NSD3: variants seen among roughly 807,000 people sequenced by gnomAD.
The protein encoded by NSD3 is histone-lysine N-methyltransferase NSD3.
Under a neutral mutation model 160.8 loss-of-function variants are expected in NSD3, and 24 were observed. That is an observed-to-expected ratio of 0.15 (90% CI 0.11 to 0.21). The LOEUF is 0.21. Ranked by LOEUF, NSD3 falls within the 10% of genes least tolerant of loss-of-function variation. The probability of loss-of-function intolerance (pLI) is 1.00; values close to 1 mark genes in which losing one functional copy is unlikely to be tolerated. For synonymous variants in NSD3, 520 were observed against 600.0 expected (o/e 0.87, Z 1.95); for missense variants, 1,157 against 1,735.9 (o/e 0.67, Z 5.93).
At position 38,317,849 on chromosome 8, in the gene NSD3, C is replaced by T; in HGVS notation, c.1855+1046G>A. On this transcript the variant is annotated intron_variant, in intron 9 of 23. Coordinates refer to ENST00000317025, the MANE Select transcript of NSD3 (RefSeq NM_023034.2). The surrounding 1 kb of genome is among the most constrained non-coding windows in gnomAD (Gnocchi z 5.3). ...GGAAAATGCCAATAATGATGATTGG[C>T]GAAATCAAAATCGAAAACAAAGAAA... 3 of 1,530,734 alleles carry T rather than the reference C, an allele frequency of 2.0e-6. No individual in the cohort carries two copies. The highest frequency in any genetic ancestry group is 2.6e-6 in the Non-Finnish European group (3 of 1,137,098). The allele number at this position is 1,530,734 out of a possible 1,614,324, so 94.8% of individuals were successfully genotyped here. A position where few individuals can be genotyped will look rare whatever the true frequency, so the allele number is the denominator to read the frequency against.
intron 1 of NSD3, among the ~76,000 whole-genome samples, chr8:38,377,133 A>G (rs1034262736): frequency 1.3e-5 from 2 of 151,918 alleles, no homozygotes; most frequent in African/African-American, 4.8e-5. Context: ...GCTCAGTGCA[A>G]CCTCCGCCTC....
rs1809667781 is a variant in NSD3, at chr8:38,316,510, T to C, written c.1856-468A>G. On this transcript the variant is annotated intron_variant, in intron 9 of 23. Transcript: ENST00000317025. This position sits in a 1 kb window ranked among gnomAD's most constrained non-coding sequence, Gnocchi z 4.5. ...TTGTATTCGATTCGTACACGGATAG[T>C]GCCATTTTCCCCCAAATTTTGCAAT... is the stretch of plus-strand genomic sequence containing the variant. 9.6e-7 allele frequency: 1 copy of C among 1,047,016 alleles called. No individual in the cohort carries two copies. Among genetic ancestry groups the C allele is most frequent in the South Asian group, 4.6e-5 (1 of 21,868 alleles). The allele number at this position is 1,047,016 out of a possible 1,614,324, so 64.9% of individuals were successfully genotyped here.
At position 38,273,709 on chromosome 8, in the gene NSD3, A is replaced by C. The variant is rs1808538203; in HGVS notation, c.*1932T>G. 1 of 152,210 alleles carries C rather than the reference A, an allele frequency of 6.6e-6. No homozygotes were observed. Among genetic ancestry groups the C allele is most frequent in the African/African-American group, 2.4e-5 (1 of 41,460 alleles). 9.4% of individuals were successfully genotyped at this position (152,210 alleles called of 1,614,324 possible). Reference sequence around the variant, plus strand: ...ATATAATTGCTCAAGAGCAAAGTTTAGTGTTTTGGTGAGCTGTATTTCATG... The same window carrying C: ...ATATAATTGCTCAAGAGCAAAGTTTCGTGTTTTGGTGAGCTGTATTTCATG... On this transcript the variant is annotated 3_prime_UTR_variant, in exon 24 of 24. Coordinates refer to ENST00000317025, the MANE Select transcript of NSD3 (RefSeq NM_023034.2).
chr8:38,307,370 A>T (rs1809434339), intron 12 of NSD3, among the ~76,000 whole-genome samples: 2 of 152,066 alleles, frequency 1.3e-5, no homozygotes, highest in South Asian at 4.1e-4. Flanking sequence ...GGCTGGCAGG[A>T]GTTTAAGTTG....
intron 18 of NSD3, among the ~76,000 whole-genome samples, chr8:38,289,085 C>T (rs768988694): frequency 2.0e-4 from 31 of 152,238 alleles, no homozygotes; most frequent in South Asian, 1.2e-3. Flanking sequence ...CATTTGGTGG[C>T]GGGATAACCT....
intron 13 of NSD3, 76 bp from the exon 14 acceptor site, chr8:38,304,833 T>C (rs1200834940): frequency 2.0e-6 from 3 of 1,464,172 alleles, no homozygotes; most frequent in Non-Finnish European, 2.7e-6. Flanking sequence ...GAGTTGGGCT[T>C]TTTTGGGTCC....
intron 13 of NSD3, among the ~76,000 whole-genome samples, chr8:38,305,024 G>A (rs1379570809): frequency 6.6e-6 from 1 of 152,130 alleles, no homozygotes; most frequent in East Asian, 1.9e-4. Flanking sequence ...CCTACCTGAA[G>A]GACTTTCAAG....
intron 4 of NSD3, among the ~76,000 whole-genome samples, chr8:38,332,461 A>G (rs2150376557): frequency 6.6e-6 from 1 of 152,312 alleles, no homozygotes; most frequent in East Asian, 1.9e-4. Context: ...CTAAATTTAA[A>G]TAACATTAGA....
chr8:38,324,852 A>C (rs954154787), intron 7 of NSD3, among the ~76,000 whole-genome samples: 1 of 151,896 alleles, frequency 6.6e-6, no homozygotes, highest in African/African-American at 2.4e-5. Context: ...AAAATCCCTG[A>C]GCTACAGGGT....
intron 2 of NSD3, among the ~76,000 whole-genome samples, chr8:38,343,590 C>G (rs1563362219): frequency 6.6e-6 from 1 of 152,052 alleles, no homozygotes; most frequent in African/African-American, 2.4e-5. Context: ...GTAATCCCAG[C>G]TACTGAGGAG....
intron 5 of NSD3, among the ~76,000 whole-genome samples, chr8:38,330,751 C>T (rs537216110): frequency 6.3e-4 from 96 of 152,132 alleles, no homozygotes; most frequent in Non-Finnish European, 7.8e-4. Flanking sequence ...TCATAAGAGA[C>T]CCACACTAAT....
In NSD3 at chr8:38,279,427, C is replaced by T. The variant is rs1341074000; in HGVS notation, c.3760+113G>A. Reference sequence around the variant, plus strand: ...GAATACGTTTTCTAAATATAACCTTCCTCTTATTTAAATAAGTTCTTGGGC... The same window carrying T: ...GAATACGTTTTCTAAATATAACCTTTCTCTTATTTAAATAAGTTCTTGGGC... On this transcript the variant is annotated intron_variant, in intron 21 of 23. Transcript: ENST00000317025. The T allele has an allele frequency of 3.2e-6, 4 of 1,253,862 alleles. No homozygotes were observed. In the Admixed American group the frequency reaches 6.8e-5, roughly 21 times the overall value. The allele number at this position is 1,253,862 out of a possible 1,614,324, so 77.7% of individuals were successfully genotyped here. A position where few individuals can be genotyped will look rare whatever the true frequency, so the allele number is the denominator to read the frequency against.
At chr8:38,289,361 T>G in intron 18 of NSD3, 32 bp downstream of exon 18, 1 of 1,557,620 alleles carries the variant, frequency 6.4e-7, no homozygotes, top group Non-Finnish European at 8.7e-7. Flanking sequence ...CTTATTTTAT[T>G]TGGCAATCCC....
At chr8:38,311,240 T>C (rs1400150611) in intron 12 of NSD3, among the ~76,000 whole-genome samples, 2 of 152,140 alleles carry the variant, frequency 1.3e-5, no homozygotes, top group Non-Finnish European at 2.9e-5. Flanking sequence ...ATATAGAGCA[T>C]ATTTTCATAT....
At chr8:38,304,978 T>G (rs1044973087) in intron 13 of NSD3, among the ~76,000 whole-genome samples, 2 of 152,124 alleles carry the variant, frequency 1.3e-5, no homozygotes, top group African/African-American at 4.8e-5. Flanking sequence ...AATTATTTGT[T>G]CCAATGCTGC....
At chr8:38,282,504 C>T (rs983311761) in intron 19 of NSD3, among the ~76,000 whole-genome samples, 5 of 152,158 alleles carry the variant, frequency 3.3e-5, no homozygotes, top group Non-Finnish European at 7.3e-5. Context: ...AACACTGTCT[C>T]TACTAAGAAT....
intron 12 of NSD3, among the ~76,000 whole-genome samples, chr8:38,310,831 G>A (rs1225686860): frequency 2.0e-5 from 3 of 151,624 alleles, no homozygotes; most frequent in African/African-American, 7.3e-5. Context: ...AGTTCTTTTG[G>A]GTATATACCC....
At chr8:38,339,524 A>G (rs1810307087) in intron 2 of NSD3, among the ~76,000 whole-genome samples, 1 of 152,152 alleles carries the variant, frequency 6.6e-6, no homozygotes, top group African/African-American at 2.4e-5. Context: ...CAAGAAATTG[A>G]GACCATCCTG....
chr8:38,357,118 CAAAA>C (rs966483645), intron 1 of NSD3, among the ~76,000 whole-genome samples: 2 of 21,314 alleles, frequency 9.4e-5, no homozygotes, highest in African/African-American at 3.9e-4. Context: ...GACACCATCT[CAAAA>C]AAAAAAAAAA....
Sources: allele counts gnomAD v4.1 joint callset (sites outside exome capture counted in the v4.1 genomes callset), GRCh38; gene constraint gnomAD v4.1.1; non-coding constraint Gnocchi (gnomAD v3.1); transcripts MANE v1.5; gene names NCBI Gene and HGNC (gene_info 2026-07-23, HGNC 2026-07-21).